Variants in LUC7L observed in about 807,000 individuals in gnomAD.
The protein encoded by LUC7L is LUC7 like, also known as putative RNA-binding protein Luc7-like 1.
A neutral mutation model predicts 51.1 loss-of-function variants in LUC7L; 29 were observed. The ratio of observed to expected loss-of-function variants is 0.57; its 90% CI spans 0.42 to 0.77. The LOEUF (loss-of-function observed/expected upper bound fraction) is 0.77, where lower values mean the gene tolerates loss of function less well. LUC7L is among the 30% of genes least tolerant of loss of function. The pLI is 0.00. For missense variants in LUC7L, 403 were observed against 511.9 expected (o/e 0.79, Z 2.05); for synonymous variants, 181 against 180.7 (o/e 1.00, Z -0.01).
At chr16:199,259 A>C (rs747565420) in intron 5 of LUC7L, 21 bp from the exon 6 acceptor site, 2 of 1,563,350 alleles carry the variant, frequency 1.3e-6, no homozygotes, top group Non-Finnish European at 1.8e-6. Flanking sequence ...AAAATGGAGA[A>C]ATAAAAGTGA....
intron 3 of LUC7L, 49 bp downstream of exon 3, chr16:220,600 A>T (rs1353522007): frequency 7.3e-7 from 1 of 1,361,400 alleles, no homozygotes; most frequent in African/African-American, 1.4e-5. Flanking sequence ...TGTTAGTTCA[A>T]TATTGGGTTC....
At chr16:213,772 T>C (rs555199381) in intron 3 of LUC7L, among the ~76,000 whole-genome samples, 7 of 151,292 alleles carry the variant, frequency 4.6e-5, no homozygotes, top group Non-Finnish European at 8.8e-5. Flanking sequence ...TGGAGTGCAG[T>C]GGCGCAATCT....
chr16:228,428 C>T, intron 1 of LUC7L: 1 of 1,278,886 alleles, frequency 7.8e-7, no homozygotes, highest in Non-Finnish European at 1.0e-6. Flanking sequence ...AGAGGGGCCA[C>T]AATTGTTCAG....
At chr16:200,205 G>T (rs1045264036) in intron 5 of LUC7L, among the ~76,000 whole-genome samples, 6 of 151,566 alleles carry the variant, frequency 4.0e-5, no homozygotes, top group African/African-American at 1.5e-4. Flanking sequence ...GGCGAATCAT[G>T]GGGTCAGGAG....
At chr16:216,639 C>A (rs764345521) in intron 3 of LUC7L, among the ~76,000 whole-genome samples, 14 of 152,144 alleles carry the variant, frequency 9.2e-5, no homozygotes, top group Non-Finnish European at 1.6e-4. Context: ...CTCGGCCTCC[C>A]GAAGTGCTGA....
At chr16:215,083 CTT>C (rs1000576118) in intron 3 of LUC7L, among the ~76,000 whole-genome samples, 3 of 151,986 alleles carry the variant, frequency 2.0e-5, no homozygotes, top group African/African-American at 7.2e-5. Context: ...TGTATTACAT[CTT>C]TTTTTTCCTC....
intron 4 of LUC7L, 63 bp from the exon 5 acceptor site, chr16:206,210 A>G: frequency 1.3e-6 from 2 of 1,518,412 alleles, no homozygotes; most frequent in Non-Finnish European, 1.8e-6. Flanking sequence ...AAAGGCAACA[A>G]GGGTTTCTCC....
intron 2 of LUC7L, 83 bp downstream of exon 2, chr16:227,159 C>A: frequency 8.6e-7 from 1 of 1,162,568 alleles, no homozygotes; most frequent in Admixed American, 2.3e-5. Context: ...TAAGTTAAAA[C>A]AAAATTCAAC....
chr16:191,385 G>A (rs753834759), intron 7 of LUC7L, among the ~76,000 whole-genome samples: 2 of 152,190 alleles, frequency 1.3e-5, no homozygotes, highest in Admixed American at 6.5e-5. Context: ...TTCTATGCCC[G>A]TAAGCCATTA....
chr16:212,707 G>A (rs2049678877), intron 3 of LUC7L, among the ~76,000 whole-genome samples: 1 of 151,968 alleles, frequency 6.6e-6, no homozygotes, highest in Admixed American at 6.6e-5. Flanking sequence ...TGGGAGTAAA[G>A]GTTAATTACA....
Position 190,001 on chromosome 16 carries a change from C to G in LUC7L, c.941G>C (p.Arg314Pro). The G allele has an allele frequency of 6.2e-7, 1 of 1,613,824 alleles. No individual in the cohort carries two copies. Among genetic ancestry groups the G allele is most frequent in the South Asian group, 1.1e-5 (1 of 91,060 alleles). Reference protein sequence around the residue: ...SRSRSHSRGHRRASRDRSAKY... With the variant: ...SRSRSHSRGHPRASRDRSAKY... Reference sequence around the variant, plus strand: ...CGCACTTCGGTCCCGGGAAGCCCGACGATGTCCCCGGCTGTGGCTCCGGGA... The same window carrying G: ...CGCACTTCGGTCCCGGGAAGCCCGAGGATGTCCCCGGCTGTGGCTCCGGGA... Residue 314 changes from arginine to proline, a missense_variant, in exon 9 of 10, where the codon CGT becomes CCT. Arg to Pro is a moderately radical substitution (Grantham distance 103, BLOSUM62 -2). Around this residue, in one of 3 missense-constraint regions of LUC7L, gnomAD observed 206 missense variants for 218.3 expected, o/e 0.94. Coordinates refer to ENST00000293872, the MANE Select transcript of LUC7L (RefSeq NM_201412.3).
intron 5 of LUC7L, among the ~76,000 whole-genome samples, chr16:204,620 T>G (rs983782199): frequency 6.6e-6 from 1 of 151,582 alleles, no homozygotes. Flanking sequence ...GAGAAAATTA[T>G]AAGGAAGAGA....
chr16:201,589 G>A (rs374543229), intron 5 of LUC7L, among the ~76,000 whole-genome samples: 13 of 152,118 alleles, frequency 8.5e-5, no homozygotes, highest in South Asian at 4.1e-4. Flanking sequence ...ACAAGCGCAC[G>A]CCGCCACGCC....
At chr16:204,362 C>T (rs550553842) in intron 5 of LUC7L, among the ~76,000 whole-genome samples, 2 of 151,942 alleles carry the variant, frequency 1.3e-5, no homozygotes, top group Admixed American at 6.6e-5. Context: ...TTTGGGAGAC[C>T]GAGGCGGGTG....
chr16:194,782 T>C (rs2049104856), intron 6 of LUC7L, among the ~76,000 whole-genome samples: 1 of 152,038 alleles, frequency 6.6e-6, no homozygotes, highest in South Asian at 2.1e-4. Context: ...CCAATGAAAA[T>C]ACCGTCAACA....
chr16:228,861 AT>A (rs1291955016), intron 1 of LUC7L: 18 of 1,302,584 alleles, frequency 1.4e-5, no homozygotes, highest in Non-Finnish European at 1.8e-5. Context: ...TTCGAGGCCC[AT>A]CCGGCTCCCT....
At chr16:222,055 A>G (rs1022841118) in intron 2 of LUC7L, among the ~76,000 whole-genome samples, 1 of 152,208 alleles carries the variant, frequency 6.6e-6, no homozygotes, top group African/African-American at 2.4e-5. Context: ...TTCCATTACT[A>G]AAACAAAATG....
chr16:194,961 T>C (rs903892283), intron 6 of LUC7L, among the ~76,000 whole-genome samples: 2 of 152,162 alleles, frequency 1.3e-5, no homozygotes, highest in African/African-American at 4.8e-5. Flanking sequence ...AGAGCCACGA[T>C]GGCATAAGGA....
chr16:210,857 C>T (rs2049617898), intron 3 of LUC7L, among the ~76,000 whole-genome samples: 1 of 150,274 alleles, frequency 6.7e-6, no homozygotes, highest in African/African-American at 2.5e-5. Flanking sequence ...CGAGACCACC[C>T]TGGCTAACAC....
Sources: gnomAD v4.1 joint callset for allele counts (sites outside exome capture counted in the v4.1 genomes callset) on GRCh38, gnomAD v4.1.1 for gene constraint, gnomAD v4.1.1 regional missense constraint, MANE v1.5 for transcripts, NCBI Gene and HGNC (gene_info 2026-07-23, HGNC 2026-07-21) for gene names.